Variants in LEPR observed in about 807,000 individuals in gnomAD.
LEPR encodes the protein OB receptor.
Under a neutral mutation model 114.7 loss-of-function variants are expected in LEPR, and 56 were observed. The ratio of observed to expected loss-of-function variants is 0.49; its 90% CI spans 0.39 to 0.61. The LOEUF is 0.61. Ranked by LOEUF, LEPR falls within the 20% of genes least tolerant of loss-of-function variation. LEPR has a pLI of 0.00. For missense variants in LEPR, 1,202 were observed against 1,352.9 expected, an observed-to-expected ratio of 0.89 and a Z score of 1.75; for synonymous variants, 443 against 461.4, an observed-to-expected ratio of 0.96 and a Z score of 0.51.
rs1028250811 is a variant in LEPR, at chr1:65,550,295, C to A, written c.-20-15251C>A. Among the ~76,000 whole-genome samples, 4 of 152,204 alleles carry A rather than the reference C, an allele frequency of 2.6e-5. No homozygotes were observed. The East Asian group carries it at 7.7e-4, about 29-fold the overall frequency. On this transcript the variant is annotated intron_variant, in intron 2 of 19. Transcript: ENST00000349533. ...GACCCACTTGAGGAGGCAGTCTGCC[C>A]GTTCTCAGGTCTCCAGCTGCGTGCT...
chr1:65,537,081 A>G (rs1316511767), intron 2 of LEPR, among the ~76,000 whole-genome samples: 3 of 152,202 alleles, frequency 2.0e-5, no homozygotes, highest in Non-Finnish European at 1.5e-5. Flanking sequence ...ATAAATTTAA[A>G]CAATGATGCT....
intron 2 of LEPR, among the ~76,000 whole-genome samples, chr1:65,543,969 T>C (rs1651441931): frequency 6.6e-6 from 1 of 152,076 alleles, no homozygotes; most frequent in Non-Finnish European, 1.5e-5. Context: ...TGGTTCCATA[T>C]GAAATTTAAA....
intron 2 of LEPR, among the ~76,000 whole-genome samples, chr1:65,439,240 G>A (rs1300848925): frequency 3.3e-5 from 5 of 152,002 alleles, no homozygotes; most frequent in South Asian, 4.1e-4. Context: ...TAAAAATCCC[G>A]GTAAGATTTT....
intron 2 of LEPR, chr1:65,494,115 C>G (rs1648023934): frequency 6.6e-6 from 1 of 152,060 alleles, no homozygotes; most frequent in Admixed American, 6.6e-5. Context: ...GCCAGGAACA[C>G]ATAATTGAAA....
intron 2 of LEPR, among the ~76,000 whole-genome samples, chr1:65,469,548 C>A (rs1647057582): frequency 6.6e-6 from 1 of 152,142 alleles, no homozygotes; most frequent in Non-Finnish European, 1.5e-5. Context: ...GGGCAGAAAT[C>A]AGGAGATAGA....
intron 14 of LEPR, among the ~76,000 whole-genome samples, chr1:65,611,196 T>C (rs961317772): frequency 6.6e-6 from 1 of 152,252 alleles, no homozygotes; most frequent in Non-Finnish European, 1.5e-5. Flanking sequence ...CTCTTTTCTT[T>C]TTCTAGCAAA....
intron 2 of LEPR, among the ~76,000 whole-genome samples, chr1:65,458,300 C>A (rs1646903855): frequency 2.0e-5 from 3 of 152,148 alleles, no homozygotes; most frequent in Admixed American, 6.5e-5. Flanking sequence ...TCATTTAGAT[C>A]TGAGTTTCAG....
chr1:65,421,411 A>T (rs981453126), intron 1 of LEPR: 4 of 1,536,002 alleles, frequency 2.6e-6, no homozygotes, highest in Non-Finnish European at 3.5e-6. Flanking sequence ...GTATGGCTTC[A>T]GAGCAATGCG....
chr1:65,607,022 G>A (rs1427374310), intron 11 of LEPR, among the ~76,000 whole-genome samples: 2 of 152,106 alleles, frequency 1.3e-5, no homozygotes, highest in Admixed American at 1.3e-4. Context: ...CACCCATATT[G>A]TGCCAATCCA....
intron 2 of LEPR, among the ~76,000 whole-genome samples, chr1:65,538,650 A>G (rs1020647942): frequency 6.6e-6 from 1 of 152,036 alleles, no homozygotes; most frequent in African/African-American, 2.4e-5. Flanking sequence ...ATTTTCTAGT[A>G]TTCGGTGTTT....
At chr1:65,435,680 G>T in intron 2 of LEPR, 3 of 985,330 alleles carry the variant, frequency 3.0e-6, no homozygotes, top group Non-Finnish European at 3.6e-6. Context: ...ATGTGCCTTT[G>T]CAAAGTTTGC....
chr1:65,505,086 C>T (rs932107651), intron 2 of LEPR, among the ~76,000 whole-genome samples: 4 of 152,076 alleles, frequency 2.6e-5, no homozygotes, highest in Non-Finnish European at 5.9e-5. Flanking sequence ...TATTTTGGTA[C>T]TCCTTAATTC....
intron 5 of LEPR, among the ~76,000 whole-genome samples, chr1:65,578,790 A>AAC (rs374017762): frequency 1.4e-4 from 21 of 151,944 alleles, no homozygotes; most frequent in Admixed American, 5.9e-4. Flanking sequence ...AATATATAGA[A>AAC]ACACACACAC....
At chr1:65,630,434 A>AT (rs1263379829) in intron 19 of LEPR, 4 of 152,334 alleles carry the variant, frequency 2.6e-5, no homozygotes, top group African/African-American at 9.7e-5. Flanking sequence ...AAAGAAAAAA[A>AT]AATTCTCCTC....
At chr1:65,553,296 A>G (rs768782423) in intron 2 of LEPR, among the ~76,000 whole-genome samples, 3 of 152,158 alleles carry the variant, frequency 2.0e-5, no homozygotes, top group Non-Finnish European at 2.9e-5. Flanking sequence ...CCTGGATAAT[A>G]TCCTGCAGAG....
At chr1:65,508,299 C>T (rs559640820) in intron 2 of LEPR, among the ~76,000 whole-genome samples, 1 of 152,110 alleles carries the variant, frequency 6.6e-6, no homozygotes, top group Non-Finnish European at 1.5e-5. Context: ...AGGTTTTCTT[C>T]TAGTAGTTTT....
chr1:65,518,904 T>G (rs1223380268), intron 2 of LEPR, among the ~76,000 whole-genome samples: 2 of 88,472 alleles, frequency 2.3e-5, no homozygotes, highest in Non-Finnish European at 5.3e-5. Context: ...TTTCTTTCTT[T>G]CTTTCTTTCT....
chr1:65,609,671 G>T (rs1259632393), intron 12 of LEPR, among the ~76,000 whole-genome samples: 1 of 152,192 alleles, frequency 6.6e-6, no homozygotes, highest in Non-Finnish European at 1.5e-5. Flanking sequence ...GGATTAGTAG[G>T]AGGGTAAGAG....
intron 2 of LEPR, among the ~76,000 whole-genome samples, chr1:65,543,863 A>G (rs1651429317): frequency 6.6e-6 from 1 of 152,002 alleles, no homozygotes; most frequent in African/African-American, 2.4e-5. Context: ...TGTCTTGGTT[A>G]CTGTAGCCTT....
Sources: allele counts gnomAD v4.1 joint callset (sites outside exome capture counted in the v4.1 genomes callset), GRCh38; gene constraint gnomAD v4.1.1; transcripts MANE v1.5; gene names NCBI Gene and HGNC (gene_info 2026-07-23, HGNC 2026-07-21).